The following TNRC18 variants were observed in gnomAD, a reference collection of about 807,000 sequenced individuals.
TNRC18 encodes the protein trinucleotide repeat containing 18.
In TNRC18, 69 loss-of-function variants were observed where a neutral mutation model predicts 226.7. That is an observed-to-expected ratio of 0.30 (90% CI 0.25 to 0.37). The LOEUF is 0.37. TNRC18 is among the 10% of genes least tolerant of loss of function. The pLI is 1.00. For missense variants in TNRC18, 4,754 were observed against 4,256.6 expected, an observed-to-expected ratio of 1.12 and a Z score of -3.25; for synonymous variants, 2,449 against 1,927.6, an observed-to-expected ratio of 1.27 and a Z score of -7.09.
In TNRC18 at chr7:5,326,252, A is replaced by T. The variant is rs571832878; in HGVS notation, c.6148-1004T>A. Reference sequence around the variant, plus strand: ...CACAACCATGCACACACAGTATTTTAAAAAAAAAAAAGTGGGAATTTACCA... The same window carrying T: ...CACAACCATGCACACACAGTATTTTTAAAAAAAAAAAGTGGGAATTTACCA... On this transcript the variant is annotated intron_variant, in intron 19 of 29. Transcript: ENST00000430969. 2.0e-3 allele frequency among the ~76,000 whole-genome samples: 286 copies of T among 143,370 alleles called. 1 individual carries two copies. The South Asian group carries it at 0.023, about 12-fold the overall frequency. 94.1% of individuals were successfully genotyped at this position (143,370 alleles called of 152,430 possible).
At chr7:5,344,570 AGG>A (rs567825376) in intron 18 of TNRC18, among the ~76,000 whole-genome samples, 12 of 152,166 alleles carry the variant, frequency 7.9e-5, no homozygotes, top group African/African-American at 2.4e-5. Flanking sequence ...GAACCTGCAG[AGG>A]GCATGAAGCC....
At chr7:5,376,328 G>A (rs1794673747) in intron 8 of TNRC18, 104 bp from the exon 9 acceptor site, 4 of 1,065,778 alleles carry the variant, frequency 3.8e-6, no homozygotes, top group East Asian at 2.8e-5. Flanking sequence ...CCCACACAGT[G>A]GGGAGCTGGG....
intron 18 of TNRC18, among the ~76,000 whole-genome samples, chr7:5,336,889 G>A (rs935109992): frequency 1.3e-5 from 2 of 152,184 alleles, no homozygotes; most frequent in Admixed American, 1.3e-4. Flanking sequence ...CAGCCTCAGA[G>A]ACCTGTCAGA....
Position 5,345,770 on chromosome 7 carries a change from C to T in TNRC18, c.5511G>A (p.Glu1837=). 1 of 1,546,856 alleles carries T rather than the reference C, an allele frequency of 6.5e-7. No homozygotes were observed. Among genetic ancestry groups the T allele is most frequent in the Non-Finnish European group, 8.7e-7 (1 of 1,146,808 alleles). Residue 1837 remains glutamate, a synonymous_variant, in exon 18 of 30, where the codon GAG becomes GAA. Transcript: ENST00000430969. Reference sequence around the variant, plus strand: ...CACCACCGCTGGCCTCGTCCTCCTCCTCGAGCTCCTCCTCCTCGTCCTCCT... The same window carrying T: ...CACCACCGCTGGCCTCGTCCTCCTCTTCGAGCTCCTCCTCCTCGTCCTCCT... ...SEEEDEEEEL[E]EEDEASGGGY... is the part of the protein sequence containing the mutation.
At chr7:5,320,886 G>A (rs1219740462) in intron 22 of TNRC18, among the ~76,000 whole-genome samples, 187 bp downstream of exon 22, 1 of 152,238 alleles carries the variant, frequency 6.6e-6, no homozygotes, top group Non-Finnish European at 1.5e-5. Context: ...CCCTGGGAGG[G>A]TTCACCCAGT....
intron 2 of TNRC18, among the ~76,000 whole-genome samples, chr7:5,415,673 G>A (rs1218716479): frequency 6.6e-6 from 1 of 151,278 alleles, no homozygotes; most frequent in Admixed American, 6.6e-5. Context: ...GAGCCACCGT[G>A]CCCAGCCTGC....
Position 5,313,303 on chromosome 7 carries a change from C to G in TNRC18, c.7588G>C (p.Gly2530Arg). ...ATDGDLAQEP[G>R]PGLTFEDSGN... ...GAGTCCTCGAACGTGAGCCCCGGCC[C>G]GGGCTCCTGGGCGAGGTCCCCGTCG... The change falls in exon 27 of 30, where the codon GGG (glycine) becomes CGG (arginine). Residue 2530 changes from glycine to arginine, a missense_variant. Gly to Arg is a moderately radical substitution (Grantham distance 125). Transcript: ENST00000430969. 6.5e-7 allele frequency: 1 copy of G among 1,548,730 alleles called. No individual in the cohort carries two copies. Among genetic ancestry groups the G allele is most frequent in the South Asian group, 1.2e-5 (1 of 83,992 alleles).
intron 2 of TNRC18, among the ~76,000 whole-genome samples, chr7:5,400,474 G>C (rs866242051): frequency 5.9e-5 from 9 of 152,184 alleles, no homozygotes; most frequent in Middle Eastern, 3.4e-3. Context: ...GCCGGGCATG[G>C]TGTCGTGTCC....
intron 2 of TNRC18, among the ~76,000 whole-genome samples, chr7:5,411,500 A>G (rs1490803101): frequency 7.0e-6 from 1 of 143,732 alleles, no homozygotes; most frequent in African/African-American, 2.6e-5. Flanking sequence ...CCTGGGTGAC[A>G]GAGCAAGACT....
intron 22 of TNRC18, 84 bp from the exon 23 acceptor site, chr7:5,320,691 T>G: frequency 8.7e-7 from 1 of 1,150,738 alleles, no homozygotes; most frequent in Non-Finnish European, 1.3e-6. Context: ...CACTGCCTCC[T>G]AGACCACTGG....
chr7:5,318,382 T>C (rs1277900979), intron 24 of TNRC18, among the ~76,000 whole-genome samples: 1 of 151,888 alleles, frequency 6.6e-6, no homozygotes, highest in Admixed American at 6.6e-5. Context: ...GGTTAGAAGA[T>C]AAAAGTAGAG....
intron 18 of TNRC18, 45 bp downstream of exon 18, chr7:5,345,517 G>GGGGGGGGGCCGCCCCCCCCCCCCC: frequency 2.6e-6 from 1 of 377,744 alleles, no homozygotes; most frequent in Non-Finnish European, 4.8e-6. Flanking sequence ...AATGGCGTCC[G>GGGGGGGGGCCGCCCCCCCCCCCCC]CCCCTCCCAC....
At chr7:5,398,004 C>T (rs1373488525) in intron 2 of TNRC18, among the ~76,000 whole-genome samples, 1 of 151,998 alleles carries the variant, frequency 6.6e-6, no homozygotes, top group Non-Finnish European at 1.5e-5. Flanking sequence ...AGTGTTGTTT[C>T]TTTTTTTAGA....
In TNRC18 at chr7:5,421,253, CG is replaced by C; in HGVS notation, c.-8del. The C allele has an allele frequency of 2.3e-6, 3 of 1,289,340 alleles. No individual in the cohort carries two copies. Among genetic ancestry groups the C allele is most frequent in the Non-Finnish European group, 3.0e-6 (3 of 1,015,358 alleles). 79.9% of individuals were successfully genotyped at this position (1,289,340 alleles called of 1,614,324 possible). The stretch of plus-strand genomic sequence containing the variant: ...CGAAGTCTCGGCCATCCATCCTCCG[CG>C]GGAGTGCCGCGATCAGCCCCCCACC... On this transcript the variant is annotated 5_prime_UTR_variant, in exon 2 of 30. Transcript: ENST00000430969.
rs1376937440 is a variant in TNRC18, at chr7:5,324,157, C to T, written c.6442+57G>A. ...TCTCAAGCCTTGCTCAGATCTGCCTCCCCCAAGGGAGGCTCCAGCAGCCCC... is the reference window on the plus strand; with the variant it reads ...TCTCAAGCCTTGCTCAGATCTGCCTTCCCCAAGGGAGGCTCCAGCAGCCCC... On this transcript the variant is annotated intron_variant, in intron 21 of 29. Coordinates refer to ENST00000430969, the MANE Select transcript of TNRC18 (RefSeq NM_001080495.3). This position sits in a 1 kb window ranked among gnomAD's most constrained non-coding sequence, Gnocchi z 4.8. The T allele has an allele frequency of 6.5e-6, 10 of 1,531,918 alleles. No individual in the cohort carries two copies. Among genetic ancestry groups the T allele is most frequent in the Non-Finnish European group, 8.8e-6 (10 of 1,142,458 alleles). 94.9% of individuals were successfully genotyped at this position (1,531,918 alleles called of 1,614,324 possible).
chr7:5,420,942 C>T, intron 2 of TNRC18, 118 bp downstream of exon 2: 1 of 1,300,604 alleles, frequency 7.7e-7, no homozygotes, highest in Non-Finnish European at 1.1e-6. Flanking sequence ...TCTGCCCGCA[C>T]CCCCGTGGCC....
Position 5,358,659 on chromosome 7 carries a change from C to G in TNRC18, c.4833+739G>C, listed in dbSNP as rs567541429. ...TGAAACCCCATCTCTACTAAAAATA[C>G]AAAAATCAGCTGGACATAGTGGTGG... On this transcript the variant is annotated intron_variant, in intron 15 of 29. Transcript: ENST00000430969. Among the ~76,000 whole-genome samples the G allele has an allele frequency of 7.2e-4, 110 of 152,210 alleles. 1 individual carries two copies. Among genetic ancestry groups the G allele is most frequent in the African/African-American group, 2.5e-3 (105 of 41,532 alleles).
In TNRC18 at chr7:5,309,239, G is replaced by A. The variant is rs763415416; in HGVS notation, c.8518C>T (p.Arg2840Cys). Residue 2840 changes from arginine (R) to cysteine (C), a missense_variant, in exon 28 of 30, where the codon CGC becomes TGC. Coordinates refer to ENST00000430969, the MANE Select transcript of TNRC18 (RefSeq NM_001080495.3). This position sits in a 1 kb window ranked among gnomAD's most constrained non-coding sequence, Gnocchi z 5.7. Reference protein sequence around the residue: ...AGRPNLPYIGRIQSMWESWGN... With the variant: ...AGRPNLPYIGCIQSMWESWGN... ...CACGACTCCCACATGCTCTGGATGC[G>A]GCCGATGTAGGGCAGGTTGGGGCGG... 19 of 1,613,862 alleles carry A rather than the reference G, an allele frequency of 1.2e-5. No homozygotes were observed. Among genetic ancestry groups the A allele is most frequent in the South Asian group, 3.3e-5 (3 of 91,076 alleles).
At chr7:5,417,918 G>C (rs1221449234) in intron 2 of TNRC18, among the ~76,000 whole-genome samples, 2 of 152,160 alleles carry the variant, frequency 1.3e-5, no homozygotes, top group African/African-American at 4.8e-5. Flanking sequence ...ATCAGACCCT[G>C]GAGAAGGCCC....
Sources: gnomAD v4.1 joint callset for allele counts (sites outside exome capture counted in the v4.1 genomes callset) on GRCh38, gnomAD v4.1.1 for gene constraint, Gnocchi (gnomAD v3.1) non-coding constraint, MANE v1.5 for transcripts, NCBI Gene and HGNC (gene_info 2026-07-23, HGNC 2026-07-21) for gene names.